PRPF4: variants seen among roughly 807,000 people sequenced by gnomAD.
PRPF4 encodes the protein pre-mRNA splicing tri-snRNP complex factor PRPF4.
A neutral mutation model predicts 72.2 loss-of-function variants in PRPF4; 14 were observed. The ratio of observed to expected loss-of-function variants is 0.19; its 90% CI spans 0.13 to 0.30. The LOEUF is 0.30. Among genes scored for constraint, PRPF4 ranks in the 10% least tolerant of loss-of-function variants. The probability of loss-of-function intolerance (pLI) is 1.00; values close to 1 mark genes in which losing one functional copy is unlikely to be tolerated. For synonymous variants in PRPF4, 225 were observed against 232.2 expected, an observed-to-expected ratio of 0.97 and a Z score of 0.28; for missense variants, 478 against 653.9, an observed-to-expected ratio of 0.73 and a Z score of 2.93.
At chr9:113,275,866 G>A in intron 1 of PRPF4, 96 bp downstream of exon 1, 2 of 1,521,412 alleles carry the variant, frequency 1.3e-6, no homozygotes, top group East Asian at 2.4e-5. Flanking sequence ...GGAGAAGGCG[G>A]TGGAGGGCTG....
In PRPF4 at chr9:113,286,274, C is replaced by T. The variant is rs1481217985; in HGVS notation, c.792C>T (p.Leu264=). 2 of 1,612,672 alleles carry T rather than the reference C, an allele frequency of 1.2e-6. No individual in the cohort carries two copies. The highest frequency in any genetic ancestry group is 3.3e-5 in the Admixed American group (2 of 60,018). Residue 264 remains leucine (L), a synonymous_variant, in exon 8 of 14, where the codon CTC becomes CTT. Coordinates refer to ENST00000374198, the MANE Select transcript of PRPF4 (RefSeq NM_001244926.2). ...CKLWSVPDCN[L]LHTLRGHNTN... ...TCTGGTCTGTTCCTGATTGCAACCTCCTTCACACTCTTCGAGGTAAGTTAG... is the reference window on the plus strand; with the variant it reads ...TCTGGTCTGTTCCTGATTGCAACCTTCTTCACACTCTTCGAGGTAAGTTAG...
chr9:113,278,893 TTC>T (rs145708649), intron 2 of PRPF4, 50 bp from the exon 3 acceptor site: 52,011 of 1,569,986 alleles, frequency 0.033, 1,037 homozygotes, highest in Non-Finnish European at 0.039. Context: ...TAGAAATTAT[TTC>T]TCTCTATTTG....
At chr9:113,291,249 C>G (rs1832599651) in intron 13 of PRPF4, among the ~76,000 whole-genome samples, 1 of 152,196 alleles carries the variant, frequency 6.6e-6, no homozygotes, top group East Asian at 1.9e-4. Flanking sequence ...TTGCTTCATT[C>G]TTTCCTCCAT....
chr9:113,280,678 T>C (rs564980156), intron 3 of PRPF4, among the ~76,000 whole-genome samples: 5 of 152,340 alleles, frequency 3.3e-5, no homozygotes, highest in African/African-American at 9.6e-5. Flanking sequence ...AGTAAAAAAC[T>C]CTTACCATGG....
chr9:113,279,335 TTTTTGTTTTGTTTTGTTTTGTTTTG>T (rs148026338), intron 3 of PRPF4, among the ~76,000 whole-genome samples: 2 of 150,212 alleles, frequency 1.3e-5, no homozygotes, highest in Non-Finnish European at 1.5e-5. Flanking sequence ...TGTTTGTTCG[TTTTTGTTTTGTTTTGTTTTGTTTTG>T]TTTTGTTTTG....
rs1316091425 is a variant in PRPF4 at position 113,291,721 on chromosome 9, G to A, written c.*61G>A. The A allele has an allele frequency of 1.0e-5, 15 of 1,503,812 alleles. No homozygotes were observed. The highest frequency in any genetic ancestry group is 8.3e-5 in the South Asian group (7 of 84,368). 93.2% of individuals were successfully genotyped at this position (1,503,812 alleles called of 1,614,324 possible). A position where few individuals can be genotyped will look rare whatever the true frequency, so the allele number is the denominator to read the frequency against. On this transcript the variant is annotated 3_prime_UTR_variant, in exon 14 of 14. Coordinates refer to ENST00000374198, the MANE Select transcript of PRPF4 (RefSeq NM_001244926.2). ...CTCTAAGGAGCTGTTTTCCTCAAAC[G>A]AGAAGAATTGAAGTGTTTAGTTCTA...
chr9:113,276,410 C>G, intron 1 of PRPF4, 138 bp from the exon 2 acceptor site: 1 of 905,508 alleles, frequency 1.1e-6, no homozygotes, highest in Non-Finnish European at 1.7e-6. Flanking sequence ...TGAAGAGCGT[C>G]TTAAGTAGTG....
chr9:113,275,669 C>G lies in PRPF4; in HGVS notation c.-75C>G. On this transcript the variant is annotated 5_prime_UTR_variant, in exon 1 of 14. Coordinates refer to ENST00000374198, the MANE Select transcript of PRPF4 (RefSeq NM_001244926.2). ...TTCCTGTCAGTGACGCACTTCCCCTCTGCTGGGCGCGCGGTGGACGGTCTG... is the reference window on the plus strand; with the variant it reads ...TTCCTGTCAGTGACGCACTTCCCCTGTGCTGGGCGCGCGGTGGACGGTCTG... The G allele has an allele frequency of 6.5e-7, 1 of 1,546,418 alleles. No individual in the cohort carries two copies. Among genetic ancestry groups the G allele is most frequent in the Non-Finnish European group, 8.8e-7 (1 of 1,138,850 alleles).
intron 1 of PRPF4, 46 bp from the exon 2 acceptor site, chr9:113,276,502 T>A: frequency 2.5e-6 from 4 of 1,604,616 alleles, no homozygotes; most frequent in Non-Finnish European, 3.4e-6. Context: ...GTCCGGTAAA[T>A]TGCCAAGATT....
Position 113,290,731 on chromosome 9 carries a change from C to A in PRPF4, c.1177C>A (p.Leu393Ile). The change falls in exon 12 of 14, where the codon CTA becomes ATA. Residue 393 changes from leucine (L) to isoleucine (I), a missense_variant. Transcript: ENST00000374198. Reference sequence around the variant, plus strand: ...GGATGCATTTGGTCGAGTTTGGGACCTACGCACAGGACGTTGTATCATGTT... The same window carrying A: ...GGATGCATTTGGTCGAGTTTGGGACATACGCACAGGACGTTGTATCATGTT... Reference protein sequence around the residue: ...GLDAFGRVWDLRTGRCIMFLE... With the variant: ...GLDAFGRVWDIRTGRCIMFLE... The A allele has an allele frequency of 6.2e-7, 1 of 1,614,146 alleles. No homozygotes were observed. The highest frequency in any genetic ancestry group is 8.5e-7 in the Non-Finnish European group (1 of 1,180,032).
In PRPF4 at chr9:113,290,585, C is replaced by G. The variant is rs746719446; in HGVS notation, c.1142C>G (p.Thr381Ser). ...AFHQDGSLAG[T>S]GGLDAFGRVW... ...CATCAAGATGGCTCTTTGGCTGGCA[C>G]TGGGTAAGGCTTCTCCCATGTAGTC... The change falls in exon 11 of 14, where the codon ACT (threonine) becomes AGT (serine). Residue 381 changes from threonine to serine, a missense_variant. Coordinates refer to ENST00000374198, the MANE Select transcript of PRPF4 (RefSeq NM_001244926.2). 1 of 1,614,152 alleles carries G rather than the reference C, an allele frequency of 6.2e-7. No homozygotes were observed. Among genetic ancestry groups the G allele is most frequent in the Non-Finnish European group, 8.5e-7 (1 of 1,180,030 alleles).
In PRPF4 at chr9:113,290,413, G is replaced by T. The variant is rs1832573077; in HGVS notation, c.1023-53G>T. ...AATGGCTTAGAATACTTTATGTGTT[G>T]TAGAAACTGAATAAATATCAGCTGG... On this transcript the variant is annotated intron_variant, in intron 10 of 13. Transcript: ENST00000374198. 5.6e-6 allele frequency: 9 copies of T among 1,611,696 alleles called. No individual in the cohort carries two copies. The South Asian group carries it at 9.9e-5, about 18-fold the overall frequency.
chr9:113,282,752 T>C lies in PRPF4; in HGVS notation c.480+19T>C, dbSNP rs770999137. 12 of 1,547,602 alleles carry C rather than the reference T, an allele frequency of 7.8e-6. No homozygotes were observed. In the Admixed American group the frequency reaches 1.7e-4, roughly 22 times the overall value. On this transcript the variant is annotated intron_variant, in intron 4 of 13. Transcript: ENST00000374198. Reference sequence around the variant, plus strand: ...AGAAGAGGTAGAACATGTCTTTAACTTCACAGTATAAACATGAAGGAAATG... The same window carrying C: ...AGAAGAGGTAGAACATGTCTTTAACCTCACAGTATAAACATGAAGGAAATG...
chr9:113,278,853 T>C, intron 2 of PRPF4, 92 bp from the exon 3 acceptor site: 2 of 1,263,936 alleles, frequency 1.6e-6, no homozygotes, highest in Non-Finnish European at 2.2e-6. Context: ...CAGTTACTTT[T>C]CCCTCAGGGC....
chr9:113,288,498 G>A (rs1832516962), intron 10 of PRPF4, among the ~76,000 whole-genome samples: 7 of 151,254 alleles, frequency 4.6e-5, no homozygotes, highest in Admixed American at 1.3e-4. Flanking sequence ...GTGCAGTGGC[G>A]CGATCTCGGC....
intron 10 of PRPF4, among the ~76,000 whole-genome samples, chr9:113,289,636 C>T (rs1832550752): frequency 6.6e-6 from 1 of 152,120 alleles, no homozygotes; most frequent in African/African-American, 2.4e-5. Context: ...TCTTTATTTC[C>T]ATGTGCATAG....
At chr9:113,288,335 C>T (rs1832510448) in intron 10 of PRPF4, 71 bp downstream of exon 10, 1 of 1,424,874 alleles carries the variant, frequency 7.0e-7, no homozygotes, top group African/African-American at 1.4e-5. Context: ...GGCTATCTGC[C>T]AGGTAAATTT....
intron 4 of PRPF4, 51 bp downstream of exon 4, chr9:113,282,784 T>G: frequency 8.7e-6 from 12 of 1,380,182 alleles, no homozygotes; most frequent in African/African-American, 1.5e-5. Flanking sequence ...AATGAGGGGA[T>G]AGGTCTCTCG....
rs781636554 is a variant in PRPF4, at chr9:113,276,711, T to C, written c.191T>C (p.Ile64Thr). 12 of 1,613,034 alleles carry C rather than the reference T, an allele frequency of 7.4e-6. No individual in the cohort carries two copies. The highest frequency in any genetic ancestry group is 6.7e-5 in the Admixed American group (4 of 59,806). The change falls in exon 2 of 14, where the codon ATT becomes ACT. Residue 64 changes from isoleucine to threonine, a missense_variant. Physicochemically the swap from Ile to Thr is moderately conservative, Grantham distance 89. Transcript: ENST00000374198. Reference sequence around the variant, plus strand: ...AAAGCAGGGATCGAAGCTGGAAATATTAATATAACCTCTGGTAAGATGCAA... The same window carrying C: ...AAAGCAGGGATCGAAGCTGGAAATACTAATATAACCTCTGGTAAGATGCAA... ...GLKAGIEAGN[I>T]NITSGEVFEI...
Sources: allele counts gnomAD v4.1 joint callset (sites outside exome capture counted in the v4.1 genomes callset), GRCh38; gene constraint gnomAD v4.1.1; transcripts MANE v1.5; gene names NCBI Gene and HGNC (gene_info 2026-07-23, HGNC 2026-07-21).